Variants in ZNF148 observed in about 807,000 individuals in gnomAD.
ZNF148 encodes Beta-Enolase Repressor Factor-1.
Under a neutral mutation model 67.7 loss-of-function variants are expected in ZNF148, and 7 were observed. That is an observed-to-expected ratio of 0.10 (90% CI 0.06 to 0.19). The LOEUF (loss-of-function observed/expected upper bound fraction) is 0.19, where lower values mean the gene tolerates loss of function less well. Ranked by LOEUF, ZNF148 falls within the 10% of genes least tolerant of loss-of-function variation. The pLI is 1.00. For synonymous variants in ZNF148, 333 were observed against 330.7 expected (o/e 1.01, Z -0.08); for missense variants, 583 against 947.1 (o/e 0.62, Z 5.05).
At chr3:125,309,396 T>C (rs1940072192) in intron 4 of ZNF148, among the ~76,000 whole-genome samples, 1 of 152,152 alleles carries the variant, frequency 6.6e-6, no homozygotes, top group Non-Finnish European at 1.5e-5. Flanking sequence ...GTTATTATAG[T>C]TACCATAATG....
In ZNF148 at chr3:125,288,316, C is replaced by G. The variant is rs986062668; in HGVS notation, c.334-88G>C. ...ATTTTATGTTTAATCCTTTGCTAAACCCACATACAGGTGCTTCCAGAATGA... is the reference window on the plus strand; with the variant it reads ...ATTTTATGTTTAATCCTTTGCTAAAGCCACATACAGGTGCTTCCAGAATGA... On this transcript the variant is annotated intron_variant, in intron 4 of 8. Transcript: ENST00000360647. 6.5e-6 allele frequency: 9 copies of G among 1,377,560 alleles called. No homozygotes were observed. In the African/African-American group the frequency reaches 1.3e-4, roughly 20 times the overall value. 85.3% of individuals were successfully genotyped at this position (1,377,560 alleles called of 1,614,324 possible). A position where few individuals can be genotyped will look rare whatever the true frequency, so the allele number is the denominator to read the frequency against.
intron 4 of ZNF148, among the ~76,000 whole-genome samples, chr3:125,305,094 A>T (rs1250571412): frequency 6.6e-6 from 1 of 152,248 alleles, no homozygotes; most frequent in Non-Finnish European, 1.5e-5. Context: ...CATATTGATA[A>T]ATAAAGTGTG....
In ZNF148 at chr3:125,303,984, T is replaced by G. The variant is rs141574117; in HGVS notation, c.333+9324A>C. Among the ~76,000 whole-genome samples the G allele has an allele frequency of 9.7e-4, 147 of 152,120 alleles. 1 individual carries two copies. In the East Asian group the frequency reaches 0.021, roughly 22 times the overall value. On this transcript the variant is annotated intron_variant, in intron 4 of 8. Coordinates refer to ENST00000360647, the MANE Select transcript of ZNF148 (RefSeq NM_021964.3). ...GATGAGGGATGGAGGGGGTCTTCTC[T>G]GTACCATTTTTGCCACCTTCCATAA... is the stretch of plus-strand genomic sequence containing the variant.
chr3:125,242,299 A>G (rs1936400264), intron 7 of ZNF148, among the ~76,000 whole-genome samples: 1 of 152,196 alleles, frequency 6.6e-6, no homozygotes, highest in Non-Finnish European at 1.5e-5. Context: ...ACATAAGTTT[A>G]AACTGTTAAG....
chr3:125,367,936 A>G (rs1942752121), intron 1 of ZNF148, among the ~76,000 whole-genome samples: 1 of 152,246 alleles, frequency 6.6e-6, no homozygotes, highest in Non-Finnish European at 1.5e-5. Flanking sequence ...AACCAGTAGG[A>G]GTAGCTAAAA....
At position 125,274,321 on chromosome 3, in the gene ZNF148, GTAATATTCACAAAAAATA is replaced by G. The variant is rs559991407; in HGVS notation, c.667+3387_667+3404del. ...AAAACATCACCTAAATAAAGGATCT[GTAATATTCACAAAAAATA>G]TAATATTCACAAAAAAGGTAAATCT... is the stretch of plus-strand genomic sequence containing the variant. On this transcript the variant is annotated intron_variant, in intron 7 of 8. Transcript: ENST00000360647. 4.9e-4 allele frequency among the ~76,000 whole-genome samples: 74 copies of G among 152,162 alleles called. 2 individuals are homozygous for G. Among genetic ancestry groups the G allele is most frequent in the African/African-American group, 1.5e-3 (64 of 41,494 alleles).
intron 4 of ZNF148, among the ~76,000 whole-genome samples, chr3:125,307,282 T>C (rs554888701): frequency 6.6e-6 from 1 of 150,830 alleles, no homozygotes; most frequent in South Asian, 2.1e-4. Flanking sequence ...GAAGAAGTAC[T>C]TGATGAAGTT....
At position 125,233,982 on chromosome 3, in the gene ZNF148, G is replaced by A. The variant is rs756898278; in HGVS notation, c.787-43C>T. 2.5e-5 allele frequency: 38 copies of A among 1,529,736 alleles called. No individual in the cohort carries two copies. The Admixed American group carries it at 8.8e-4, about 35-fold the overall frequency. The allele number at this position is 1,529,736 out of a possible 1,614,324, so 94.8% of individuals were successfully genotyped here. ...TGGTAGTGGGTTGTTTGTGGTTTTG[G>A]TCAACCAAGAAAAGAAAAAGTGAAA... On this transcript the variant is annotated intron_variant, in intron 8 of 8. Coordinates refer to ENST00000360647, the MANE Select transcript of ZNF148 (RefSeq NM_021964.3). The surrounding 1 kb of genome is among the most constrained non-coding windows in gnomAD (Gnocchi z 5.1).
chr3:125,284,528 G>C (rs1938556871), intron 5 of ZNF148, among the ~76,000 whole-genome samples: 1 of 152,080 alleles, frequency 6.6e-6, no homozygotes, highest in African/African-American at 2.4e-5. Context: ...ATGGGGGAGA[G>C]CCCTAAAATC....
At chr3:125,256,367 C>A (rs62270310) in intron 7 of ZNF148, among the ~76,000 whole-genome samples, 52 of 60,460 alleles carry the variant, frequency 8.6e-4, no homozygotes, top group African/African-American at 4.5e-3. Flanking sequence ...GACTCCATTT[C>A]CCAAAAAAAA....
At position 125,307,649 on chromosome 3, in the gene ZNF148, C is replaced by T. The variant is rs142090651; in HGVS notation, c.333+5659G>A. Reference sequence around the variant, plus strand: ...AAAAGTAATCTATGAAAAACCTACACCTAATTCTTTTTTTTGAAACAGTCT... The same window carrying T: ...AAAAGTAATCTATGAAAAACCTACATCTAATTCTTTTTTTTGAAACAGTCT... On this transcript the variant is annotated intron_variant, in intron 4 of 8. Transcript: ENST00000360647. Among the ~76,000 whole-genome samples, 20 of 151,756 alleles carry T rather than the reference C, an allele frequency of 1.3e-4. No individual in the cohort carries two copies. The South Asian group carries it at 2.7e-3, about 21-fold the overall frequency.
At chr3:125,283,499 A>T (rs1382856130) in intron 5 of ZNF148, among the ~76,000 whole-genome samples, 5 of 151,998 alleles carry the variant, frequency 3.3e-5, no homozygotes, top group Admixed American at 3.3e-4. Flanking sequence ...TTTACATCAG[A>T]TTTTTTTTCA....
At chr3:125,237,573 C>A (rs1174344191) in intron 7 of ZNF148, among the ~76,000 whole-genome samples, 2 of 151,812 alleles carry the variant, frequency 1.3e-5, no homozygotes, top group African/African-American at 4.8e-5. Context: ...CAGAGTGAGA[C>A]CCCATCTCAA....
In ZNF148 at chr3:125,233,491, G is replaced by A; in HGVS notation, c.1235C>T (p.Ser412Leu). Residue 412 changes from serine to leucine, a missense_variant, in exon 9 of 9, where the codon TCA (serine) becomes TTA (leucine). This residue lies in a region of ZNF148 where 172 missense variants were observed against 307.7 expected (regional missense o/e 0.56). Coordinates refer to ENST00000360647, the MANE Select transcript of ZNF148 (RefSeq NM_021964.3). This position sits in a 1 kb window ranked among gnomAD's most constrained non-coding sequence, Gnocchi z 5.1. Reference sequence around the variant, plus strand: ...GCTCTCTTCATATGTGGATAAAGGTGAAATTGTTTGATTTTGCTCCAGTGG... The same window carrying A: ...GCTCTCTTCATATGTGGATAAAGGTAAAATTGTTTGATTTTGCTCCAGTGG... ...KQPLEQNQTISPLSTYEESKV... is the reference protein window; with the variant it reads ...KQPLEQNQTILPLSTYEESKV... The A allele has an allele frequency of 6.2e-7, 1 of 1,613,904 alleles. No homozygotes were observed. Among genetic ancestry groups the A allele is most frequent in the Non-Finnish European group, 8.5e-7 (1 of 1,179,932 alleles).
chr3:125,344,275 A>G (rs2107742471), intron 1 of ZNF148: 4 of 418,638 alleles, frequency 9.6e-6, no homozygotes, highest in East Asian at 4.7e-5. Flanking sequence ...AAACGACACG[A>G]AAGAGAATGA....
At chr3:125,299,410 ATC>A (rs1320376735) in intron 4 of ZNF148, among the ~76,000 whole-genome samples, 9 of 152,208 alleles carry the variant, frequency 5.9e-5, no homozygotes, top group African/African-American at 1.9e-4. Context: ...TACACCTGTA[ATC>A]CCAACACTTT....
chr3:125,271,318 A>G (rs1264438378), intron 7 of ZNF148, among the ~76,000 whole-genome samples: 49 of 152,156 alleles, frequency 3.2e-4, no homozygotes, highest in Admixed American at 3.2e-3. Context: ...TTACATGCAC[A>G]TCTTGCCTCT....
At chr3:125,335,434 A>G (rs2107721046) in intron 1 of ZNF148, among the ~76,000 whole-genome samples, 1 of 152,292 alleles carries the variant, frequency 6.6e-6, no homozygotes, top group South Asian at 2.1e-4. Flanking sequence ...CTTGGTCTCA[A>G]AACCAGCCTA....
chr3:125,351,287 C>T (rs1031283487), intron 1 of ZNF148, among the ~76,000 whole-genome samples: 2 of 143,912 alleles, frequency 1.4e-5, no homozygotes, highest in East Asian at 2.1e-4. Flanking sequence ...AAGGCTGAGG[C>T]GAGAAGCTTG....
Sources: allele counts gnomAD v4.1 joint callset (sites outside exome capture counted in the v4.1 genomes callset), GRCh38; gene constraint gnomAD v4.1.1; regional missense constraint gnomAD v4.1.1; non-coding constraint Gnocchi (gnomAD v3.1); transcripts MANE v1.5; gene names NCBI Gene and HGNC (gene_info 2026-07-23, HGNC 2026-07-21).